Variants in MOCOS observed in about 807,000 individuals in gnomAD.
MOCOS encodes molybdenum cofactor sulfurase, also known as human molybdenum cofactor sulfurase.
In MOCOS, 86 loss-of-function variants were observed where a neutral mutation model predicts 83.6. The observed-to-expected ratio is 1.03, with a 90% CI of 0.86 to 1.23. MOCOS has a LOEUF of 1.23. MOCOS is among the 50% of genes most tolerant of loss of function. The pLI is 0.00. For missense variants in MOCOS, 1,120 were observed against 1,126.9 expected, an observed-to-expected ratio of 0.99 and a Z score of 0.09; for synonymous variants, 445 against 434.7, an observed-to-expected ratio of 1.02 and a Z score of -0.29.
intron 9 of MOCOS, among the ~76,000 whole-genome samples, chr18:36,224,946 G>A (rs1448109906): frequency 6.6e-6 from 1 of 152,084 alleles, no homozygotes; most frequent in African/African-American, 2.4e-5. Flanking sequence ...ACTAGTTGTA[G>A]GTTTGCTCAG....
In MOCOS at chr18:36,202,788, G is replaced by T. The variant is rs559274965; in HGVS notation, c.942-325G>T. ...ACAATCATGGCGGAAAGGGAAGCAG[G>T]CACTTTCTTCACAAGGCAGCAGGAG... is the stretch of plus-strand genomic sequence containing the variant. On this transcript the variant is annotated intron_variant, in intron 4 of 14. Transcript: ENST00000261326. Among the ~76,000 whole-genome samples the T allele has an allele frequency of 2.6e-5, 4 of 152,246 alleles. No homozygotes were observed. In the South Asian group the frequency reaches 8.3e-4, roughly 32 times the overall value.
chr18:36,191,750 G>GCA (rs5824000), intron 1 of MOCOS, among the ~76,000 whole-genome samples: 13 of 147,708 alleles, frequency 8.8e-5, no homozygotes, highest in East Asian at 4.3e-4. Flanking sequence ...AAATACGTGT[G>GCA]CACACACACA....
Position 36,195,304 on chromosome 18 carries a change from C to G in MOCOS, c.190C>G (p.Gln64Glu), listed in dbSNP as rs775545464. Residue 64 changes from glutamine to glutamate, a missense_variant, in exon 2 of 15, where the codon CAG (glutamine) becomes GAG (glutamate). Gln to Glu is a conservative substitution (Grantham distance 29). Coordinates refer to ENST00000261326, the MANE Select transcript of MOCOS (RefSeq NM_017947.4). ...HAGATLFSQSQLESFTSDLME... is the reference protein window; with the variant it reads ...HAGATLFSQSELESFTSDLME... ...AGGTGCCACCTTGTTCTCCCAGAGC[C>G]AGCTCGAAAGCTTCACTAGTGATCT... is the stretch of plus-strand genomic sequence containing the variant. 1 of 1,614,180 alleles carries G rather than the reference C, an allele frequency of 6.2e-7. No individual in the cohort carries two copies. The highest frequency in any genetic ancestry group is 8.5e-7 in the Non-Finnish European group (1 of 1,180,016).
chr18:36,209,056 GT>G (rs1347049967), intron 6 of MOCOS, among the ~76,000 whole-genome samples: 11 of 152,082 alleles, frequency 7.2e-5, no homozygotes, highest in African/African-American at 2.7e-4. Context: ...TGATCATGTG[GT>G]TTTTGTTTTT....
At chr18:36,258,283 A>G (rs1284259680) in intron 12 of MOCOS, among the ~76,000 whole-genome samples, 2 of 152,184 alleles carry the variant, frequency 1.3e-5, no homozygotes, top group Non-Finnish European at 2.9e-5. Context: ...GTCCCCTGCT[A>G]GGTATTTCTC....
chr18:36,258,952 A>G (rs549877281), intron 12 of MOCOS, among the ~76,000 whole-genome samples: 1 of 152,114 alleles, frequency 6.6e-6, no homozygotes, highest in Non-Finnish European at 1.5e-5. Context: ...GAAGGTCACC[A>G]CTATTCTGAC....
Position 36,234,163 on chromosome 18 carries a change from A to C in MOCOS, c.1960+13946A>C, listed in dbSNP as rs577362230. On this transcript the variant is annotated intron_variant, in intron 9 of 14. Coordinates refer to ENST00000261326, the MANE Select transcript of MOCOS (RefSeq NM_017947.4). ...TACCTTCTAGGATTTTTATGGTTTCATGTCTTAGATTTAAGTCTTTGATCC... is the reference window on the plus strand; with the variant it reads ...TACCTTCTAGGATTTTTATGGTTTCCTGTCTTAGATTTAAGTCTTTGATCC... Among the ~76,000 whole-genome samples, 6 of 152,250 alleles carry C rather than the reference A, an allele frequency of 3.9e-5. No individual in the cohort carries two copies. The East Asian group carries it at 1.2e-3, about 29-fold the overall frequency.
In MOCOS at chr18:36,187,570, G is replaced by C. The variant is rs769189049; in HGVS notation, c.31G>C (p.Glu11Gln). 2 of 1,245,720 alleles carry C rather than the reference G, an allele frequency of 1.6e-6. No individual in the cohort carries two copies. The highest frequency in any genetic ancestry group is 6.2e-5 in the East Asian group (2 of 32,242). The allele number at this position is 1,245,720 out of a possible 1,614,324, so 77.2% of individuals were successfully genotyped here. The change falls in exon 1 of 15, where the codon GAG (glutamate) becomes CAG (glutamine). Residue 11 changes from glutamate to glutamine, a missense_variant. Physicochemically the swap from Glu to Gln is conservative, Grantham distance 29. Transcript: ENST00000261326. ...CGGCGCGGCGGCGGAGTCAGGGCGG[G>C]AGCTGTGGACCTTCGCGGGTTCCCG... MAGAAAESGR[E>Q]LWTFAGSRDP...
intron 10 of MOCOS, 88 bp from the exon 11 acceptor site, chr18:36,251,071 T>C: frequency 1.4e-6 from 2 of 1,475,248 alleles, no homozygotes; most frequent in South Asian, 1.2e-5. Flanking sequence ...TGTTTTATTT[T>C]ATTTTGTAAC....
In MOCOS at chr18:36,196,720, T is replaced by C. The variant is rs2091389185; in HGVS notation, c.232+1374T>C. Among the ~76,000 whole-genome samples, 3 of 151,930 alleles carry C rather than the reference T, an allele frequency of 2.0e-5. No homozygotes were observed. In the South Asian group the frequency reaches 6.2e-4, roughly 32 times the overall value. The stretch of plus-strand genomic sequence containing the variant: ...CATAACCGTGGGAAAGCCTGAGAGA[T>C]GGCAGAGTTGAGATTGCAGGTGGTG... On this transcript the variant is annotated intron_variant, in intron 2 of 14. Coordinates refer to ENST00000261326, the MANE Select transcript of MOCOS (RefSeq NM_017947.4).
At position 36,200,051 on chromosome 18, in the gene MOCOS, G is replaced by A. The variant is rs1444813304; in HGVS notation, c.668G>A (p.Arg223Gln). The A allele has an allele frequency of 1.8e-5, 29 of 1,614,068 alleles. No individual in the cohort carries two copies. The highest frequency in any genetic ancestry group is 2.7e-5 in the African/African-American group (2 of 74,912). ...TGGATAGAAGAGGTCAAGTCTGGGC[G>A]GTTGCACCCTGTGAGCACGCCTGGG... ...LSWIEEVKSG[R>Q]LHPVSTPGKW... is the part of the protein sequence containing the mutation. Residue 223 changes from arginine to glutamine, a missense_variant, in exon 4 of 15, where the codon CGG becomes CAG. Physicochemically the swap from Arg to Gln is conservative, Grantham distance 43 (BLOSUM62 1). Coordinates refer to ENST00000261326, the MANE Select transcript of MOCOS (RefSeq NM_017947.4).
chr18:36,217,076 C>A (rs1271757726), intron 8 of MOCOS, among the ~76,000 whole-genome samples: 1 of 152,128 alleles, frequency 6.6e-6, no homozygotes, highest in Non-Finnish European at 1.5e-5. Flanking sequence ...CAAATGTATG[C>A]AACGTGATAT....
intron 11 of MOCOS, among the ~76,000 whole-genome samples, chr18:36,252,331 G>A (rs2091624944): frequency 6.6e-6 from 1 of 151,982 alleles, no homozygotes. Flanking sequence ...GACCAGCCTG[G>A]GCAACATGGC....
intron 7 of MOCOS, 77 bp downstream of exon 7, chr18:36,213,559 T>G (rs2091463513): frequency 8.7e-7 from 1 of 1,154,164 alleles, no homozygotes; most frequent in Admixed American, 1.7e-5. Context: ...GTGTCTGGGG[T>G]GGGGGCTGCT....
intron 8 of MOCOS, among the ~76,000 whole-genome samples, chr18:36,218,671 T>C (rs77544608): frequency 0.019 from 2,923 of 152,024 alleles, 38 homozygotes; most frequent in Middle Eastern, 0.048. Flanking sequence ...TACACCACCA[T>C]GCCTGGCTAC....
intron 11 of MOCOS, among the ~76,000 whole-genome samples, chr18:36,253,473 C>A (rs1377329195): frequency 6.6e-6 from 1 of 152,058 alleles, no homozygotes; most frequent in African/African-American, 2.4e-5. Flanking sequence ...CAAGACCAGC[C>A]TGGCCAACAT....
At chr18:36,220,337 C>A in intron 9 of MOCOS, 120 bp downstream of exon 9, 13 of 1,155,638 alleles carry the variant, frequency 1.1e-5, no homozygotes, top group Non-Finnish European at 1.4e-5. Flanking sequence ...GAGACCTCAT[C>A]TCTACAAAAA....
intron 9 of MOCOS, among the ~76,000 whole-genome samples, chr18:36,242,462 T>A (rs1013803857): frequency 8.5e-5 from 13 of 152,198 alleles, no homozygotes; most frequent in Non-Finnish European, 1.9e-4. Flanking sequence ...CCCTCCAAAC[T>A]GTTCTAACCT....
intron 4 of MOCOS, among the ~76,000 whole-genome samples, chr18:36,200,831 G>A (rs2091411041): frequency 6.6e-6 from 1 of 152,204 alleles, no homozygotes; most frequent in African/African-American, 2.4e-5. Flanking sequence ...TAAAGCAGAG[G>A]CCCCCAGACT....
Sources: allele counts gnomAD v4.1 joint callset (sites outside exome capture counted in the v4.1 genomes callset), GRCh38; gene constraint gnomAD v4.1.1; transcripts MANE v1.5; gene names NCBI Gene and HGNC (gene_info 2026-07-23, HGNC 2026-07-21).